RGS17: variants seen among roughly 807,000 people sequenced by gnomAD.
RGS17 encodes the protein regulator of G protein signaling 17.
RGS17 carries 12 observed loss-of-function variants against 25.5 expected under a neutral mutation model. The ratio of observed to expected loss-of-function variants is 0.47; its 90% confidence interval spans 0.30 to 0.76. The LOEUF is 0.76. RGS17 is among the 30% of genes least tolerant of loss of function. RGS17 has a pLI of 0.07. For synonymous variants in RGS17, 71 were observed against 76.9 expected, an observed-to-expected ratio of 0.92 and a Z score of 0.40; for missense variants, 196 against 242.2, an observed-to-expected ratio of 0.81 and a Z score of 1.27.
chr6:153,046,687 G>A (rs997190426), intron 1 of RGS17, among the ~76,000 whole-genome samples: 3 of 152,100 alleles, frequency 2.0e-5, no homozygotes, highest in Non-Finnish European at 2.9e-5. Context: ...AGCAAAGAGT[G>A]AAGAAAAGCT....
At chr6:153,106,049 G>A (rs376875594) in intron 1 of RGS17, among the ~76,000 whole-genome samples, 53 of 152,244 alleles carry the variant, frequency 3.5e-4, no homozygotes, top group African/African-American at 1.3e-3. Flanking sequence ...CAGAACAGAG[G>A]TAAGGAGTCC....
At chr6:153,058,789 T>A (rs1000935923) in intron 1 of RGS17, among the ~76,000 whole-genome samples, 1 of 152,212 alleles carries the variant, frequency 6.6e-6, no homozygotes, top group South Asian at 2.1e-4. Flanking sequence ...CATATATCTA[T>A]GCAACTGAGC....
At chr6:153,021,999 G>C (rs1366799776) in intron 4 of RGS17, among the ~76,000 whole-genome samples, 1 of 152,152 alleles carries the variant, frequency 6.6e-6, no homozygotes, top group Non-Finnish European at 1.5e-5. Flanking sequence ...CTTGAGGTCA[G>C]GACTTCGAGG....
chr6:153,026,571 G>A, intron 2 of RGS17, 28 bp from the exon 3 acceptor site: 1 of 1,552,680 alleles, frequency 6.4e-7, no homozygotes, highest in South Asian at 1.1e-5. Context: ...ATTTAATTTT[G>A]TCAAGGGAAA....
rs564734144 is a variant in RGS17, at chr6:153,095,477, C to A, written c.-26+35647G>T. 2.6e-5 allele frequency among the ~76,000 whole-genome samples: 4 copies of A among 152,036 alleles called. No homozygotes were observed. In the East Asian group the frequency reaches 7.7e-4, roughly 29 times the overall value. On this transcript the variant is annotated intron_variant, in intron 1 of 4. Coordinates refer to ENST00000206262, the MANE Select transcript of RGS17 (RefSeq NM_012419.5). Reference sequence around the variant, plus strand: ...AAAAATAAATTTTGAAATTAAATACCAGGTGTATTTACTCTAGGAAGATGT... The same window carrying A: ...AAAAATAAATTTTGAAATTAAATACAAGGTGTATTTACTCTAGGAAGATGT...
At chr6:153,035,755 A>G (rs1776232079) in intron 2 of RGS17, among the ~76,000 whole-genome samples, 1 of 152,182 alleles carries the variant, frequency 6.6e-6, no homozygotes, top group Non-Finnish European at 1.5e-5. Context: ...GTCAGGAAGG[A>G]AAATCCAACT....
At chr6:153,091,977 GA>G (rs1279664226) in intron 1 of RGS17, among the ~76,000 whole-genome samples, 1 of 152,008 alleles carries the variant, frequency 6.6e-6, no homozygotes, top group African/African-American at 2.4e-5. Context: ...AGATAAAACA[GA>G]AAAAAATTCC....
intron 1 of RGS17, among the ~76,000 whole-genome samples, chr6:153,106,008 G>C (rs1247362137): frequency 6.6e-6 from 1 of 152,160 alleles, no homozygotes; most frequent in Non-Finnish European, 1.5e-5. Context: ...GCAAGAGGAT[G>C]ATGGGAACTG....
intron 2 of RGS17, among the ~76,000 whole-genome samples, chr6:153,039,044 G>C (rs1399519964): frequency 6.6e-6 from 1 of 152,180 alleles, no homozygotes; most frequent in Non-Finnish European, 1.5e-5. Context: ...GAAGAGTCCA[G>C]TGCAGTGGGC....
intron 1 of RGS17, among the ~76,000 whole-genome samples, chr6:153,046,953 T>TA (rs1776392852): frequency 6.6e-6 from 1 of 152,072 alleles, no homozygotes; most frequent in South Asian, 2.1e-4. Context: ...AACAAAATAG[T>TA]AAAAACACAT....
chr6:153,104,114 T>C (rs1049933657), intron 1 of RGS17, among the ~76,000 whole-genome samples: 1 of 152,260 alleles, frequency 6.6e-6, no homozygotes, highest in Non-Finnish European at 1.5e-5. Flanking sequence ...ACCCAGGTTT[T>C]CAGAGTCACA....
intron 1 of RGS17, among the ~76,000 whole-genome samples, chr6:153,054,077 T>C (rs71549140): frequency 0.23 from 11,606 of 50,058 alleles, 2,568 homozygotes; most frequent in African/African-American, 0.36. Flanking sequence ...CATATATATA[T>C]ACACACAATA....
At chr6:153,065,199 G>A (rs372280347) in intron 1 of RGS17, among the ~76,000 whole-genome samples, 6 of 152,128 alleles carry the variant, frequency 3.9e-5, no homozygotes, top group African/African-American at 1.4e-4. Flanking sequence ...TGTAAGAAGA[G>A]ACAAGGTCAC....
chr6:153,121,805 G>T (rs1777636199), intron 1 of RGS17, among the ~76,000 whole-genome samples: 1 of 152,070 alleles, frequency 6.6e-6, no homozygotes, highest in African/African-American at 2.4e-5. Context: ...TCACCTACGA[G>T]AATTTTAAAC....
intron 1 of RGS17, among the ~76,000 whole-genome samples, chr6:153,092,374 C>A (rs1388801609): frequency 6.6e-6 from 1 of 152,172 alleles, no homozygotes; most frequent in Non-Finnish European, 1.5e-5. Flanking sequence ...AGAGAGTTTG[C>A]TGTTTGGCTT....
chr6:153,081,629 T>C (rs1562328893), intron 1 of RGS17, among the ~76,000 whole-genome samples: 1 of 6,106 alleles, frequency 1.6e-4, no homozygotes, highest in African/African-American at 1.7e-3. Context: ...TCCTTCTTTT[T>C]TTCCCCCTCT....
At chr6:153,111,826 C>T (rs637673) in intron 1 of RGS17, among the ~76,000 whole-genome samples, 6 of 152,174 alleles carry the variant, frequency 3.9e-5, no homozygotes, top group Non-Finnish European at 7.3e-5. Flanking sequence ...CTCCTGTAAA[C>T]TCCAGCAGCA....
chr6:153,061,376 A>C (rs531430727), intron 1 of RGS17, among the ~76,000 whole-genome samples: 2 of 152,342 alleles, frequency 1.3e-5, no homozygotes, highest in Non-Finnish European at 2.9e-5. Flanking sequence ...GAAAATACTG[A>C]CAGCACTTTC....
rs1562321477 is a variant in RGS17, at chr6:153,054,023, TAATATATATAC to T, written c.-25-9991_-25-9981del. On this transcript the variant is annotated intron_variant, in intron 1 of 4. Transcript: ENST00000206262. The stretch of plus-strand genomic sequence containing the variant: ...ATACATATATACGTATATATGTATA[TAATATATATAC>T]ATATATATGTATATATGTATATAAT... 1.9e-4 allele frequency among the ~76,000 whole-genome samples: 10 copies of T among 51,648 alleles called. 1 individual carries two copies. The highest frequency in any genetic ancestry group is 3.6e-5 in the Non-Finnish European group (1 of 27,850). 33.9% of individuals were successfully genotyped at this position (51,648 alleles called of 152,430 possible). A position where few individuals can be genotyped will look rare whatever the true frequency, so the allele number is the denominator to read the frequency against.
Sources: gnomAD v4.1 joint callset for allele counts (sites outside exome capture counted in the v4.1 genomes callset) on GRCh38, gnomAD v4.1.1 for gene constraint, MANE v1.5 for transcripts, NCBI Gene and HGNC (gene_info 2026-07-23, HGNC 2026-07-21) for gene names.